KDM4C: variants seen among roughly 807,000 people sequenced by gnomAD.
The protein encoded by KDM4C is lysine demethylase 4C.
In KDM4C, 81 loss-of-function variants were observed where a neutral mutation model predicts 129.3. The ratio of observed to expected loss-of-function variants is 0.63; its 90% CI spans 0.52 to 0.75. The LOEUF is 0.75. Among genes scored for constraint, KDM4C ranks in the 30% least tolerant of loss-of-function variants. The pLI is 0.00. For synonymous variants in KDM4C, 573 were observed against 456.1 expected, an observed-to-expected ratio of 1.26 and a Z score of -3.26; for missense variants, 1,457 against 1,304.0, an observed-to-expected ratio of 1.12 and a Z score of -1.81.
chr9:6,960,870 T>TG (rs55821730), intron 8 of KDM4C, among the ~76,000 whole-genome samples: 112,725 of 152,016 alleles, frequency 0.74, 42,237 homozygotes, highest in East Asian at 1. Flanking sequence ...AAAAATCACC[T>TG]CAGTTGAGAA....
At chr9:6,941,054 A>G (rs1027705186) in intron 8 of KDM4C, among the ~76,000 whole-genome samples, 4 of 149,538 alleles carry the variant, frequency 2.7e-5, no homozygotes, top group African/African-American at 9.9e-5. Flanking sequence ...TTTTTTGGAG[A>G]AAGTCTTGCC....
intron 1 of KDM4C, among the ~76,000 whole-genome samples, chr9:6,730,614 C>CAA (rs36043237): frequency 0.11 from 11,641 of 109,374 alleles, 617 homozygotes; most frequent in Non-Finnish European, 0.15. Context: ...GACTCTGTCT[C>CAA]AAAAAAAAAA....
At chr9:7,105,571 A>G (rs906520456) in intron 18 of KDM4C, 1 of 424,552 alleles carries the variant, frequency 2.4e-6, no homozygotes, top group African/African-American at 2.0e-5. Context: ...TTGCCCAAAT[A>G]GATGCAGATA....
intron 2 of KDM4C, among the ~76,000 whole-genome samples, chr9:6,798,839 C>G (rs1168483129): frequency 6.6e-6 from 1 of 152,108 alleles, no homozygotes; most frequent in African/African-American, 2.4e-5. Flanking sequence ...CCCCTCACTT[C>G]TCAGACGGGG....
intron 5 of KDM4C, among the ~76,000 whole-genome samples, chr9:6,853,269 C>G (rs1292049076): frequency 6.6e-6 from 1 of 152,056 alleles, no homozygotes; most frequent in African/African-American, 2.4e-5. Context: ...AGGCGGATCA[C>G]TTGAGCCCAG....
chr9:7,109,775 G>A (rs1023556023), intron 18 of KDM4C, among the ~76,000 whole-genome samples: 3 of 152,104 alleles, frequency 2.0e-5, no homozygotes, highest in Admixed American at 6.6e-5. Flanking sequence ...CCTCTTCTAG[G>A]TGACTGCTTT....
At chr9:6,923,717 A>G (rs1232263324) in intron 8 of KDM4C, among the ~76,000 whole-genome samples, 2 of 152,184 alleles carry the variant, frequency 1.3e-5, no homozygotes, top group African/African-American at 4.8e-5. Context: ...AATTCCATCA[A>G]ATGGCTCTTT....
chr9:6,844,942 C>T (rs767769232), intron 4 of KDM4C, among the ~76,000 whole-genome samples: 4 of 152,222 alleles, frequency 2.6e-5, no homozygotes, highest in Non-Finnish European at 5.9e-5. Context: ...CCTGCCTCGG[C>T]CTCCCAAAGT....
In KDM4C at chr9:6,805,162, G is replaced by C. The variant is rs937138514; in HGVS notation, c.145-437G>C. Among the ~76,000 whole-genome samples the C allele has an allele frequency of 2.6e-5, 4 of 152,330 alleles. No individual in the cohort carries two copies. In the East Asian group the frequency reaches 5.8e-4, roughly 22 times the overall value. On this transcript the variant is annotated intron_variant, in intron 2 of 21. Transcript: ENST00000381309. ...GATCCGCCTGCCTCGGCCTCCCAAAGTGCTGGAATTACAGGTGTGTGCCAC... is the reference window on the plus strand; with the variant it reads ...GATCCGCCTGCCTCGGCCTCCCAAACTGCTGGAATTACAGGTGTGTGCCAC...
intron 17 of KDM4C, among the ~76,000 whole-genome samples, chr9:7,057,439 C>G (rs751832008): frequency 6.6e-6 from 1 of 152,204 alleles, no homozygotes; most frequent in Non-Finnish European, 1.5e-5. Context: ...ATGGAGAGTA[C>G]AGGCTCTGGG....
chr9:6,782,690 G>T (rs1824627621), intron 1 of KDM4C, among the ~76,000 whole-genome samples: 1 of 152,150 alleles, frequency 6.6e-6, no homozygotes, highest in Admixed American at 6.6e-5. Context: ...GGAGGGAGGG[G>T]AAAGGCAGGA....
chr9:7,128,434 G>A (rs145852703), intron 19 of KDM4C, among the ~76,000 whole-genome samples, 198 bp downstream of exon 19: 256 of 149,218 alleles, frequency 1.7e-3, no homozygotes, highest in African/African-American at 6.1e-3. Context: ...ACGTTATTTG[G>A]CCAAGAAATA....
At chr9:7,088,666 C>G (rs1043481994) in intron 17 of KDM4C, among the ~76,000 whole-genome samples, 7 of 152,078 alleles carry the variant, frequency 4.6e-5, no homozygotes, top group African/African-American at 1.7e-4. Context: ...GGTGCATTGT[C>G]TTCCTGTATT....
At chr9:6,973,066 G>A (rs1390906370) in intron 8 of KDM4C, among the ~76,000 whole-genome samples, 2 of 152,232 alleles carry the variant, frequency 1.3e-5, no homozygotes, top group African/African-American at 4.8e-5. Flanking sequence ...GTGAATCTGA[G>A]ATGGTGAATT....
chr9:7,165,727 C>G (rs1260804979), intron 20 of KDM4C, among the ~76,000 whole-genome samples: 1 of 152,236 alleles, frequency 6.6e-6, no homozygotes, highest in Non-Finnish European at 1.5e-5. Flanking sequence ...CAACCAGCAG[C>G]CCCTGAAGTG....
At chr9:6,882,489 CTAT>C (rs2130793948) in intron 6 of KDM4C, among the ~76,000 whole-genome samples, 1 of 152,150 alleles carries the variant, frequency 6.6e-6, no homozygotes, top group Admixed American at 6.5e-5. Flanking sequence ...GAATAAAATG[CTAT>C]TATTTTAAAA....
intron 8 of KDM4C, among the ~76,000 whole-genome samples, chr9:6,945,298 A>G (rs1826761808): frequency 1.3e-5 from 2 of 152,216 alleles, no homozygotes; most frequent in African/African-American, 4.8e-5. Flanking sequence ...CACCAGTTTC[A>G]TCCTTCCTTT....
chr9:7,015,951 T>G (rs752885608), intron 15 of KDM4C, 22 bp downstream of exon 15: 1 of 1,563,374 alleles, frequency 6.4e-7, no homozygotes, highest in Non-Finnish European at 8.8e-7. Flanking sequence ...ATTTTAGTAT[T>G]GCTTAACCTT....
At chr9:7,108,411 A>G (rs1405943899) in intron 18 of KDM4C, among the ~76,000 whole-genome samples, 1 of 151,834 alleles carries the variant, frequency 6.6e-6, no homozygotes, top group African/African-American at 2.4e-5. Flanking sequence ...TAATTTTTGT[A>G]TTATTTATAG....
Sources: gnomAD v4.1 joint callset for allele counts (sites outside exome capture counted in the v4.1 genomes callset) on GRCh38, gnomAD v4.1.1 for gene constraint, MANE v1.5 for transcripts, NCBI Gene and HGNC (gene_info 2026-07-23, HGNC 2026-07-21) for gene names.